UQCC6: variants seen among roughly 807,000 people sequenced by gnomAD.
The protein encoded by UQCC6 is protein BRAWNIN.
the UQCC6 span, chr12:103,951,678 G>T: frequency 9.4e-7 from 1 of 1,067,824 alleles, no homozygotes; most frequent in Non-Finnish European, 1.4e-6. Flanking sequence ...CCCTTAATAA[G>T]GCTGTAATTC....
the UQCC6 span, among the ~76,000 whole-genome samples, chr12:103,964,109 C>T: frequency 7.3e-6 from 1 of 136,218 alleles, no homozygotes; most frequent in Non-Finnish European, 1.5e-5. Flanking sequence ...TCAGTGTCCT[C>T]ACCGACAACT....
At chr12:103,957,083 G>A in the UQCC6 span, 3 of 305,820 alleles carry the variant, frequency 9.8e-6, no homozygotes, top group East Asian at 2.4e-4. Context: ...TGGAGGAGAG[G>A]AACTGTGGAC....
At chr12:103,954,165 CTATT>C in the UQCC6 span, among the ~76,000 whole-genome samples, 1 of 152,174 alleles carries the variant, frequency 6.6e-6, no homozygotes, top group South Asian at 2.1e-4. Flanking sequence ...ACACAAATGT[CTATT>C]TATGTAGATG....
chr12:103,951,562 TTTTC>T, the UQCC6 span: 27 of 1,549,774 alleles, frequency 1.7e-5, no homozygotes, highest in African/African-American at 2.3e-4. Context: ...GAGGTTTGTG[TTTTC>T]TTTCTTTCAG....
chr12:103,956,596 G>T, the UQCC6 span: 2 of 1,364,528 alleles, frequency 1.5e-6, no homozygotes, highest in East Asian at 2.5e-5. Flanking sequence ...GGTATATTTA[G>T]CTCAAAAATA....
the UQCC6 span, chr12:103,954,920 CTA>C: frequency 1.4e-6 from 1 of 701,654 alleles, no homozygotes; most frequent in Admixed American, 2.0e-5. Flanking sequence ...TCTCACTAAG[CTA>C]TGTGACTTTG....
chr12:103,953,769 T>C, the UQCC6 span: 1 of 557,980 alleles, frequency 1.8e-6, no homozygotes, highest in Non-Finnish European at 3.2e-6. Flanking sequence ...CTTCATTCTA[T>C]CTCCTCCCAA....
At chr12:103,959,613 G>A in the UQCC6 span, among the ~76,000 whole-genome samples, 1 of 151,782 alleles carries the variant, frequency 6.6e-6, no homozygotes, top group African/African-American at 2.4e-5. Context: ...TCGGGAGGCT[G>A]AGGCAGGAGA....
At chr12:103,955,039 G>T in the UQCC6 span, 3 of 684,304 alleles carry the variant, frequency 4.4e-6, no homozygotes, top group Non-Finnish European at 8.0e-6. Context: ...AATGGGCCAG[G>T]CACAGTGGCT....
the UQCC6 span, among the ~76,000 whole-genome samples, chr12:103,960,371 G>A: frequency 6.6e-6 from 1 of 152,146 alleles, no homozygotes; most frequent in East Asian, 1.9e-4. Flanking sequence ...ACCGCACCCG[G>A]CCAATCTGTA....
the UQCC6 span, among the ~76,000 whole-genome samples, chr12:103,957,497 G>A: frequency 2.6e-5 from 4 of 152,030 alleles, no homozygotes; most frequent in South Asian, 8.3e-4. Flanking sequence ...TTTTAGGAGG[G>A]GTGGAGTCAC....
At chr12:103,964,712 G>T in the UQCC6 span, among the ~76,000 whole-genome samples, 1 of 152,186 alleles carries the variant, frequency 6.6e-6, no homozygotes, top group African/African-American at 2.4e-5. Flanking sequence ...CTAGACGATG[G>T]TCCTGAGCCA....
the UQCC6 span, chr12:103,956,672 C>A: frequency 2.4e-4 from 377 of 1,551,742 alleles, 1 homozygote; most frequent in Middle Eastern, 4.3e-3. Flanking sequence ...TCTGCCCCTG[C>A]GCACATGGCC....
the UQCC6 span, chr12:103,956,733 G>A: frequency 6.4e-7 from 1 of 1,550,574 alleles, no homozygotes; most frequent in South Asian, 1.2e-5. Flanking sequence ...GCACGCCCGC[G>A]GGCATGGTCG....
the UQCC6 span, chr12:103,956,481 T>G: frequency 1.6e-6 from 1 of 608,334 alleles, no homozygotes; most frequent in Non-Finnish European, 3.0e-6. Context: ...TGATCCTAAT[T>G]TCGTTCAAGA....
the UQCC6 span, among the ~76,000 whole-genome samples, chr12:103,961,621 A>G: frequency 6.6e-6 from 1 of 151,956 alleles, no homozygotes; most frequent in East Asian, 1.9e-4. Flanking sequence ...CAGTGGCTCA[A>G]TCTCGGCTCA....
At chr12:103,959,699 A>G in the UQCC6 span, among the ~76,000 whole-genome samples, 14 of 152,118 alleles carry the variant, frequency 9.2e-5, no homozygotes, top group Admixed American at 4.6e-4. Flanking sequence ...GTGACAAAGC[A>G]AGAGTCCGTC....
the UQCC6 span, among the ~76,000 whole-genome samples, chr12:103,953,012 G>A: frequency 0.038 from 5,838 of 152,260 alleles, 395 homozygotes; most frequent in African/African-American, 0.13. Context: ...AGGAAAAAGG[G>A]AGTGGGGAGA....
the UQCC6 span, among the ~76,000 whole-genome samples, chr12:103,964,172 A>T: frequency 3.6e-5 from 3 of 83,306 alleles, no homozygotes; most frequent in South Asian, 3.9e-4. Context: ...TTTTTTTTTG[A>T]GACGGAGTCT....
Sources: gnomAD v4.1 joint callset for allele counts (sites outside exome capture counted in the v4.1 genomes callset) on GRCh38, gnomAD v4.1.1 for gene constraint, MANE v1.5 for transcripts, NCBI Gene and HGNC (gene_info 2026-07-23, HGNC 2026-07-21) for gene names.